Variants in SOCS2 observed in about 807,000 individuals in gnomAD.
SOCS2 encodes CIS-2.
Under a neutral mutation model 18.6 loss-of-function variants are expected in SOCS2, and 10 were observed. The observed-to-expected ratio is 0.54, with a 90% CI of 0.33 to 0.91. SOCS2 has a LOEUF of 0.91. SOCS2 is among the 40% of genes least tolerant of loss of function. SOCS2 has a pLI of 0.02. For missense variants in SOCS2, 231 were observed against 247.2 expected, an observed-to-expected ratio of 0.93 and a Z score of 0.44; for synonymous variants, 104 against 104.0, an observed-to-expected ratio of 1.00 and a Z score of 0.00.
the SOCS2 span, among the ~76,000 whole-genome samples, chr12:93,615,077 C>T: frequency 6.6e-6 from 1 of 152,120 alleles, no homozygotes; most frequent in Admixed American, 6.6e-5. Flanking sequence ...CTGAATCTCT[C>T]CTTATCTCCT....
chr12:93,620,129 CATTTTCAA>C, the SOCS2 span, among the ~76,000 whole-genome samples: 2 of 151,850 alleles, frequency 1.3e-5, no homozygotes, highest in Non-Finnish European at 2.9e-5. Context: ...TTATATAACT[CATTTTCAA>C]TGTCTTTTTT....
the SOCS2 span, among the ~76,000 whole-genome samples, chr12:93,620,321 T>C: frequency 1.1e-4 from 16 of 152,380 alleles, no homozygotes; most frequent in East Asian, 3.1e-3. Flanking sequence ...AAAATTTAAA[T>C]CATTTTCTAT....
the SOCS2 span, among the ~76,000 whole-genome samples, chr12:93,601,631 A>G: frequency 1.3e-5 from 2 of 152,120 alleles, no homozygotes; most frequent in African/African-American, 4.8e-5. Context: ...TTTTAAATGT[A>G]TTTGTTCATA....
chr12:93,605,426 G>A, the SOCS2 span, among the ~76,000 whole-genome samples: 2 of 152,128 alleles, frequency 1.3e-5, no homozygotes, highest in African/African-American at 4.8e-5. Context: ...GGTGGATGAG[G>A]CCAGGGGCTT....
At chr12:93,589,027 C>G in the SOCS2 span, among the ~76,000 whole-genome samples, 2 of 152,230 alleles carry the variant, frequency 1.3e-5, no homozygotes, top group Non-Finnish European at 2.9e-5. Context: ...AATGCTTATG[C>G]TTGCCACATG....
the SOCS2 span, among the ~76,000 whole-genome samples, chr12:93,604,805 C>T: frequency 2.0e-5 from 3 of 151,900 alleles, no homozygotes; most frequent in Non-Finnish European, 4.4e-5. Flanking sequence ...GATACAGGTG[C>T]ACGGCCCCAC....
At chr12:93,624,568 TA>T in the SOCS2 span, among the ~76,000 whole-genome samples, 10,801 of 143,404 alleles carry the variant, frequency 0.075, 849 homozygotes, top group African/African-American at 0.2. Flanking sequence ...AGACTCCATC[TA>T]AAAAAAAAAA....
the SOCS2 span, among the ~76,000 whole-genome samples, chr12:93,591,493 GA>G: frequency 6.6e-6 from 1 of 152,240 alleles, no homozygotes; most frequent in Non-Finnish European, 1.5e-5. Flanking sequence ...TCTCCTTGAA[GA>G]ATTTTCAAAC....
rs1954465744 is a variant in SOCS2, at chr12:93,576,487, T to G, written c.*1308T>G. 1 of 152,214 alleles carries G rather than the reference T, an allele frequency of 6.6e-6. No individual in the cohort carries two copies. Among genetic ancestry groups the G allele is most frequent in the Non-Finnish European group, 1.5e-5 (1 of 68,044 alleles). The allele number at this position is 152,214 out of a possible 1,614,324, so 9.4% of individuals were successfully genotyped here. ...CATGGTTTAGAAACTACAAACATTA[T>G]GACATGGCCAGTCTTTTACAAGTTG... is the stretch of plus-strand genomic sequence containing the variant. On this transcript the variant is annotated 3_prime_UTR_variant, in exon 2 of 2. Transcript: ENST00000551556.
chr12:93,592,692 T>C, the SOCS2 span, among the ~76,000 whole-genome samples: 5 of 152,236 alleles, frequency 3.3e-5, no homozygotes, highest in African/African-American at 1.2e-4. Flanking sequence ...CAGCATATTT[T>C]CCATTGAGAT....
the SOCS2 span, among the ~76,000 whole-genome samples, chr12:93,610,871 A>G: frequency 6.6e-6 from 1 of 152,188 alleles, no homozygotes; most frequent in South Asian, 2.1e-4. Flanking sequence ...TGTTGTTTCT[A>G]AGTCACCCAG....
chr12:93,580,083 T>C (rs1954517767), downstream of SOCS2, among the ~76,000 whole-genome samples: 2 of 152,250 alleles, frequency 1.3e-5, no homozygotes, highest in South Asian at 4.1e-4. Flanking sequence ...CTTCTTCTCC[T>C]GTCTCAGCAT....
At chr12:93,602,585 A>G in the SOCS2 span, among the ~76,000 whole-genome samples, 1 of 152,158 alleles carries the variant, frequency 6.6e-6, no homozygotes, top group East Asian at 1.9e-4. Context: ...CAGGTCTACA[A>G]GAGACTTTGG....
Position 93,572,883 on chromosome 12 carries a change from G to C in SOCS2, c.-15G>C, listed in dbSNP as rs915902988. The C allele has an allele frequency of 6.4e-7, 1 of 1,567,098 alleles. No homozygotes were observed. The highest frequency in any genetic ancestry group is 8.7e-7 in the Non-Finnish European group (1 of 1,155,340). ...TCGGGCGGCCACCTGTCTTTGCCGC[G>C]GTGACCCTTCTCTCATGACCCTGCG... On this transcript the variant is annotated 5_prime_UTR_variant, in exon 1 of 2. Coordinates refer to ENST00000551556, the MANE Select transcript of SOCS2 (RefSeq NM_001270471.2). The surrounding 1 kb of genome is among the most constrained non-coding windows in gnomAD (Gnocchi z 5.0).
At chr12:93,585,535 C>T (rs146000243), downstream of SOCS2, among the ~76,000 whole-genome samples, 175 of 152,314 alleles carry the variant, frequency 1.1e-3, no homozygotes, top group Middle Eastern at 6.8e-3. Context: ...GTTTGGTGAG[C>T]GGCATGGTGT....
chr12:93,571,098 A>G (rs907981788), upstream of SOCS2: 4 of 154,128 alleles, frequency 2.6e-5, no homozygotes, highest in Middle Eastern at 5.3e-4. Context: ...CTTCCCCTGA[A>G]GCATGAGCCC....
the SOCS2 span, among the ~76,000 whole-genome samples, chr12:93,590,269 G>T: frequency 3.3e-5 from 5 of 151,792 alleles, no homozygotes; most frequent in African/African-American, 9.7e-5. Flanking sequence ...ACTGTATTTG[G>T]ACTTTTAAGC....
At chr12:93,588,093 A>T (rs1201984355), downstream of SOCS2, among the ~76,000 whole-genome samples, 2 of 152,198 alleles carry the variant, frequency 1.3e-5, no homozygotes, top group Non-Finnish European at 2.9e-5. Context: ...TTGGATTGGA[A>T]AAAAGCGTTA....
At chr12:93,623,369 T>C in the SOCS2 span, among the ~76,000 whole-genome samples, 1 of 152,196 alleles carries the variant, frequency 6.6e-6, no homozygotes, top group Non-Finnish European at 1.5e-5. Context: ...CTCTTTCCTT[T>C]ATAAATTACC....
Sources: gnomAD v4.1 joint callset for allele counts (sites outside exome capture counted in the v4.1 genomes callset) on GRCh38, gnomAD v4.1.1 for gene constraint, Gnocchi (gnomAD v3.1) non-coding constraint, MANE v1.5 for transcripts, NCBI Gene and HGNC (gene_info 2026-07-23, HGNC 2026-07-21) for gene names.